Variants in CDC6 observed in about 807,000 individuals in gnomAD.
The protein encoded by CDC6 is DNA replication factor CDC6.
In CDC6, 46 loss-of-function variants were observed where a neutral mutation model predicts 60.2. The observed-to-expected ratio is 0.76, with a 90% CI of 0.60 to 0.98. The LOEUF (loss-of-function observed/expected upper bound fraction) is 0.98, where lower values mean the gene tolerates loss of function less well. CDC6 is among the 50% of genes least tolerant of loss of function. The probability of loss-of-function intolerance (pLI) is 0.00; values close to 1 mark genes in which losing one functional copy is unlikely to be tolerated. For missense variants in CDC6, 596 were observed against 652.9 expected, an observed-to-expected ratio of 0.91 and a Z score of 0.95; for synonymous variants, 210 against 233.2, an observed-to-expected ratio of 0.90 and a Z score of 0.90.
chr17:40,295,296 C>G, intron 7 of CDC6, 60 bp from the exon 8 acceptor site: 1 of 1,114,082 alleles, frequency 9.0e-7, no homozygotes, highest in Non-Finnish European at 1.4e-6. Context: ...TGCTTGGGAC[C>G]TAAATTACAG....
At position 40,289,463 on chromosome 17, in the gene CDC6, C is replaced by T; in HGVS notation, c.43C>T (p.Pro15Ser). Residue 15 changes from proline (P) to serine (S), a missense_variant, in exon 2 of 12, where the codon CCA (proline) becomes TCA (serine). Pro to Ser is a moderately conservative substitution (Grantham distance 74). Coordinates refer to ENST00000209728, the MANE Select transcript of CDC6 (RefSeq NM_001254.4). ...CCAGGCACAGGCTACAATCAGTTTT[C>T]CAAAAAGGAAGCTGTCTCGGGCATT... ...RSQAQATISF[P>S]KRKLSRALNK... 6.2e-7 allele frequency: 1 copy of T among 1,613,954 alleles called. No individual in the cohort carries two copies. Among genetic ancestry groups the T allele is most frequent in the Non-Finnish European group, 8.5e-7 (1 of 1,179,992 alleles).
rs2143112071 is a variant in CDC6 at position 40,301,094 on chromosome 17, T to C, written c.1452+64T>C. The C allele has an allele frequency of 3.4e-6, 4 of 1,184,208 alleles. No homozygotes were observed. In the East Asian group the frequency reaches 9.3e-5, roughly 28 times the overall value. The allele number at this position is 1,184,208 out of a possible 1,614,324, so 73.4% of individuals were successfully genotyped here. A position where few individuals can be genotyped will look rare whatever the true frequency, so the allele number is the denominator to read the frequency against. ...CAGAATCTGCTTTGCAGAGCAGGTA[T>C]TTTCCAAAAGGCCTATGATACTTCA... is the stretch of plus-strand genomic sequence containing the variant. On this transcript the variant is annotated intron_variant, in intron 10 of 11. Transcript: ENST00000209728.
intron 2 of CDC6, among the ~76,000 whole-genome samples, chr17:40,290,679 G>A (rs1215706302): frequency 6.6e-6 from 1 of 152,196 alleles, no homozygotes; most frequent in Non-Finnish European, 1.5e-5. Flanking sequence ...CAGCTACTAA[G>A]TGACTAGTGG....
At chr17:40,293,886 C>A in intron 5 of CDC6, 64 bp from the exon 6 acceptor site, 1 of 1,359,028 alleles carries the variant, frequency 7.4e-7, no homozygotes, top group Non-Finnish European at 1.1e-6. Context: ...CTGAAGTCAG[C>A]CTATATCAAA....
chr17:40,301,299 G>A (rs1002306961), intron 10 of CDC6, among the ~76,000 whole-genome samples, 169 bp from the exon 11 acceptor site: 3 of 152,160 alleles, frequency 2.0e-5, no homozygotes, highest in Non-Finnish European at 4.4e-5. Context: ...TTACTGTATA[G>A]GTTTTCGGGA....
intron 11 of CDC6, 142 bp from the exon 12 acceptor site, chr17:40,301,757 GTGTGATATGAATA>G (rs1169076756): frequency 1.1e-6 from 1 of 940,518 alleles, no homozygotes; most frequent in African/African-American, 1.6e-5. Context: ...AAAGATGGGA[GTGTGATATGAATA>G]TTTTTTCAAG....
intron 5 of CDC6, 133 bp downstream of exon 5, chr17:40,293,764 C>T: frequency 1.1e-6 from 1 of 899,290 alleles, no homozygotes; most frequent in South Asian, 1.4e-5. Context: ...AAGGAAGATA[C>T]ACCTAATTTT....
intron 5 of CDC6, 29 bp from the exon 6 acceptor site, chr17:40,293,921 A>G (rs367654083): frequency 1.4e-4 from 218 of 1,555,476 alleles, no homozygotes; most frequent in Admixed American, 3.7e-4. Context: ...GAAGGTGAAT[A>G]TGGATACTAA....
At chr17:40,292,800 G>A (rs566065071) in intron 4 of CDC6, among the ~76,000 whole-genome samples, 3 of 150,818 alleles carry the variant, frequency 2.0e-5, no homozygotes, top group African/African-American at 7.3e-5. Context: ...GCGTGGTGGC[G>A]AGTGCCTGTA....
At position 40,293,994 on chromosome 17, in the gene CDC6, A is replaced by G; in HGVS notation, c.881A>G (p.Gln294Arg). The G allele has an allele frequency of 1.2e-6, 2 of 1,614,174 alleles. No individual in the cohort carries two copies. Among genetic ancestry groups the G allele is most frequent in the Non-Finnish European group, 1.7e-6 (2 of 1,180,000 alleles). Residue 294 changes from glutamine (Q) to arginine (R), a missense_variant, in exon 6 of 12, where the codon CAG (glutamine) becomes CGG (arginine). By Grantham distance (43) the Gln-to-Arg change is conservative. Coordinates refer to ENST00000209728, the MANE Select transcript of CDC6 (RefSeq NM_001254.4). ...ATGGATCAACTGGACAGCAAAGGCC[A>G]GGATGTATTGTACACGCTATTTGAA... ...DEMDQLDSKG[Q>R]DVLYTLFEWP...
chr17:40,290,637 C>T (rs2032741819), intron 2 of CDC6, among the ~76,000 whole-genome samples: 4 of 152,166 alleles, frequency 2.6e-5, no homozygotes, highest in Admixed American at 2.6e-4. Flanking sequence ...CCAAACCCTA[C>T]ATATACTGTG....
chr17:40,300,559 C>T (rs2032924472), intron 9 of CDC6, among the ~76,000 whole-genome samples: 1 of 152,182 alleles, frequency 6.6e-6, no homozygotes, highest in African/African-American at 2.4e-5. Context: ...CATTAAATTA[C>T]ATTCCATAGG....
At chr17:40,290,468 A>G (rs1263146743) in intron 2 of CDC6, among the ~76,000 whole-genome samples, 1 of 152,212 alleles carries the variant, frequency 6.6e-6, no homozygotes, top group Non-Finnish European at 1.5e-5. Flanking sequence ...TTGGTCCAAG[A>G]TGTCAGTGGT....
Position 40,302,193 on chromosome 17 carries a change from T to C in CDC6, c.*192T>C, listed in dbSNP as rs1396357135. Reference sequence around the variant, plus strand: ...CTTTGGGTCTTACTATTTTTACCCATAAAAGTGACCAGGTAGACCCTTTTT... The same window carrying C: ...CTTTGGGTCTTACTATTTTTACCCACAAAAGTGACCAGGTAGACCCTTTTT... On this transcript the variant is annotated 3_prime_UTR_variant, in exon 12 of 12. Transcript: ENST00000209728. 1.7e-6 allele frequency: 1 copy of C among 595,848 alleles called. No homozygotes were observed. The highest frequency in any genetic ancestry group is 1.9e-5 in the African/African-American group (1 of 53,682). 36.9% of individuals were successfully genotyped at this position (595,848 alleles called of 1,614,324 possible).
At position 40,291,302 on chromosome 17, in the gene CDC6, G is replaced by A. The variant is rs749559391; in HGVS notation, c.423G>A (p.Lys141=). ...TTNSEQRCPL[K]KESACVRLFK... is the part of the protein sequence containing the mutation. ...ATTCTGAGCAGAGATGTCCACTGAA[G>A]AAAGAATCTGCATGTGTGAGACTAT... The change falls in exon 3 of 12, where the codon AAG becomes AAA. Residue 141 remains lysine, a synonymous_variant. Transcript: ENST00000209728. The A allele has an allele frequency of 2.7e-5, 43 of 1,614,122 alleles. No homozygotes were observed. Among genetic ancestry groups the A allele is most frequent in the Non-Finnish European group, 3.6e-5 (42 of 1,180,036 alleles).
At chr17:40,291,819 C>T (rs2032768455) in intron 4 of CDC6, 151 bp downstream of exon 4, 2 of 786,760 alleles carry the variant, frequency 2.5e-6, no homozygotes, top group Non-Finnish European at 4.2e-6. Flanking sequence ...GATCTCGGCT[C>T]ACTGCAAGCT....
chr17:40,302,391 G>A lies in CDC6; in HGVS notation c.*390G>A. On this transcript the variant is annotated 3_prime_UTR_variant, in exon 12 of 12. Transcript: ENST00000209728. Reference sequence around the variant, plus strand: ...TTGTTTTTGAGGCGCGTCTCACCCTGTTGCCCAGGCTGGAGTGCAATGGCG... The same window carrying A: ...TTGTTTTTGAGGCGCGTCTCACCCTATTGCCCAGGCTGGAGTGCAATGGCG... The A allele has an allele frequency of 4.1e-6, 1 of 241,622 alleles. No individual in the cohort carries two copies. The highest frequency in any genetic ancestry group is 8.1e-6 in the Non-Finnish European group (1 of 122,806). The allele number at this position is 241,622 out of a possible 1,614,324, so 15.0% of individuals were successfully genotyped here. A position where few individuals can be genotyped will look rare whatever the true frequency, so the allele number is the denominator to read the frequency against.
chr17:40,289,285 AATAAGTGTG>A, intron 1 of CDC6, 114 bp from the exon 2 acceptor site: 1 of 846,774 alleles, frequency 1.2e-6, no homozygotes, highest in Non-Finnish European at 1.9e-6. Context: ...TGAATGCTAA[AATAAGTGTG>A]ATAACATAAT....
chr17:40,295,487 T>TAAAAAAA, intron 8 of CDC6, 31 bp downstream of exon 8: 1 of 1,119,870 alleles, frequency 8.9e-7, no homozygotes, highest in Non-Finnish European at 1.3e-6. Context: ...ATTCTTTTAT[T>TAAAAAAA]AAAAAAAAAA....
Sources: gnomAD v4.1 joint callset for allele counts (sites outside exome capture counted in the v4.1 genomes callset) on GRCh38, gnomAD v4.1.1 for gene constraint, MANE v1.5 for transcripts, NCBI Gene and HGNC (gene_info 2026-07-23, HGNC 2026-07-21) for gene names.